The following NT5M variants were observed in gnomAD, a reference collection of about 807,000 sequenced individuals.
The protein encoded by NT5M is 5'(3')-deoxyribonucleotidase, mitochondrial.
Under a neutral mutation model 22.2 loss-of-function variants are expected in NT5M, and 22 were observed. The observed-to-expected ratio is 0.99, with a 90% CI of 0.71 to 1.41. NT5M has a LOEUF of 1.41. NT5M is among the 40% of genes most tolerant of loss of function. NT5M has a pLI of 0.00. For missense variants in NT5M, 322 were observed against 314.8 expected, an observed-to-expected ratio of 1.02 and a Z score of -0.17; for synonymous variants, 167 against 133.0, an observed-to-expected ratio of 1.26 and a Z score of -1.76.
At chr17:17,343,468 C>T (rs990159847) in intron 3 of NT5M, among the ~76,000 whole-genome samples, 20 of 152,250 alleles carry the variant, frequency 1.3e-4, no homozygotes, top group Admixed American at 3.3e-4. Flanking sequence ...CCTTTTCCCA[C>T]GTCCCGTGTG....
intron 3 of NT5M, among the ~76,000 whole-genome samples, chr17:17,334,748 A>G (rs1477749477): frequency 1.3e-5 from 2 of 152,208 alleles, no homozygotes; most frequent in Admixed American, 6.5e-5. Flanking sequence ...TGCTGGGATT[A>G]CAGGCGTGAG....
chr17:17,308,332 G>A (rs768463315), intron 2 of NT5M, among the ~76,000 whole-genome samples: 10 of 152,120 alleles, frequency 6.6e-5, no homozygotes, highest in Non-Finnish European at 1.3e-4. Flanking sequence ...CGTGGCTCAT[G>A]CCTACAATCC....
intron 3 of NT5M, among the ~76,000 whole-genome samples, chr17:17,339,892 G>A (rs1242631915): frequency 1.3e-5 from 2 of 151,942 alleles, no homozygotes; most frequent in Admixed American, 6.6e-5. Flanking sequence ...CTTTTGTTGA[G>A]GATTTTAGGA....
intron 2 of NT5M, among the ~76,000 whole-genome samples, chr17:17,311,102 C>T (rs1364224101): frequency 1.3e-5 from 2 of 152,016 alleles, no homozygotes; most frequent in Non-Finnish European, 2.9e-5. Flanking sequence ...TTTGGGAGGC[C>T]GAGGCGGGTG....
chr17:17,335,278 G>C (rs1555630422), intron 3 of NT5M, among the ~76,000 whole-genome samples: 1 of 150,124 alleles, frequency 6.7e-6, no homozygotes. Flanking sequence ...TTTTTTTTGA[G>C]ATGGAGTCTT....
intron 4 of NT5M, 93 bp downstream of exon 4, chr17:17,345,001 C>A: frequency 1.3e-6 from 2 of 1,545,462 alleles, no homozygotes; most frequent in East Asian, 2.3e-5. Context: ...GCTTCCTGCC[C>A]CACTTAGTCA....
intron 4 of NT5M, among the ~76,000 whole-genome samples, chr17:17,346,080 G>A (rs1014571900): frequency 9.2e-5 from 14 of 152,180 alleles, no homozygotes; most frequent in African/African-American, 3.1e-4. Context: ...AACTGGCTTG[G>A]GAAACATGCC....
chr17:17,309,615 G>A (rs2048881113), intron 2 of NT5M, among the ~76,000 whole-genome samples: 1 of 150,800 alleles, frequency 6.6e-6, no homozygotes, highest in Admixed American at 6.6e-5. Flanking sequence ...CCTTGTGGGT[G>A]TGAAGTGATT....
intron 2 of NT5M, among the ~76,000 whole-genome samples, chr17:17,310,894 C>T (rs969972892): frequency 6.6e-6 from 1 of 152,108 alleles, no homozygotes; most frequent in African/African-American, 2.4e-5. Flanking sequence ...CACAGTGGCT[C>T]ACGCCTCTTA....
At chr17:17,306,847 A>G (rs201660769) in intron 2 of NT5M, among the ~76,000 whole-genome samples, 2 of 152,372 alleles carry the variant, frequency 1.3e-5, no homozygotes, top group East Asian at 3.9e-4. Flanking sequence ...GTTTTGATCC[A>G]GGAACTTGAG....
chr17:17,326,888 C>T (rs1051156348), intron 3 of NT5M, among the ~76,000 whole-genome samples: 2 of 152,188 alleles, frequency 1.3e-5, no homozygotes, highest in Non-Finnish European at 2.9e-5. Context: ...GCTGTTAGCA[C>T]TTTGATCTGG....
At chr17:17,325,497 C>A (rs893942658) in intron 3 of NT5M, among the ~76,000 whole-genome samples, 2 of 152,134 alleles carry the variant, frequency 1.3e-5, no homozygotes, top group Admixed American at 1.3e-4. Flanking sequence ...CGAAAACGTG[C>A]CTGGCACCTG....
At chr17:17,340,425 AC>A (rs2049612960) in intron 3 of NT5M, among the ~76,000 whole-genome samples, 1 of 151,402 alleles carries the variant, frequency 6.6e-6, no homozygotes, top group Non-Finnish European at 1.5e-5. Flanking sequence ...CAAAAAACCA[AC>A]TTTTTGTTTC....
At chr17:17,306,340 G>A (rs868821167) in intron 1 of NT5M, among the ~76,000 whole-genome samples, 2 of 152,134 alleles carry the variant, frequency 1.3e-5, no homozygotes, top group South Asian at 2.1e-4. Context: ...GCTGGATCCC[G>A]ACGAAGTCAG....
rs1185005133 is a variant in NT5M, at chr17:17,344,837, AGATTGTG to A, written c.474_480del (p.Gln158HisfsTer2). ...TACTTTGGCCCTGACTTTCTGGAGC[AGATTGTG>A]CTGACCAGAGACAAGACCGTGGTCT... On this transcript the variant is annotated frameshift_variant, in exon 4 of 5. Transcript: ENST00000389022. LOFTEE classifies it high-confidence loss of function. 6.2e-7 allele frequency: 1 copy of A among 1,614,188 alleles called. No homozygotes were observed. The highest frequency in any genetic ancestry group is 1.7e-5 in the Admixed American group (1 of 60,024).
At chr17:17,344,246 C>T (rs2049709566) in intron 3 of NT5M, among the ~76,000 whole-genome samples, 1 of 152,196 alleles carries the variant, frequency 6.6e-6, no homozygotes, top group Non-Finnish European at 1.5e-5. Flanking sequence ...CTGAAGAAAG[C>T]CTTCCTTGGG....
chr17:17,324,859 T>G (rs1567890857), intron 3 of NT5M, among the ~76,000 whole-genome samples: 1 of 152,116 alleles, frequency 6.6e-6, no homozygotes, highest in African/African-American at 2.4e-5. Context: ...CTGACCCCCT[T>G]TTAACACGCT....
intron 3 of NT5M, among the ~76,000 whole-genome samples, chr17:17,328,035 A>G (rs1263328884): frequency 6.6e-6 from 1 of 152,230 alleles, no homozygotes; most frequent in South Asian, 2.1e-4. Context: ...TCCAAGAAAT[A>G]CAATTCCTGG....
Position 17,303,753 on chromosome 17 carries a change from C to A in NT5M, c.203C>A (p.Ala68Glu). Reference protein sequence around the residue: ...RARFPDQPFIALEDRRGFWVS... With the variant: ...RARFPDQPFIELEDRRGFWVS... ...CGCTTTCCCGACCAGCCCTTCATCGCGCTGGAGGACCGGCGCGGCTTCTGG... is the reference window on the plus strand; with the variant it reads ...CGCTTTCCCGACCAGCCCTTCATCGAGCTGGAGGACCGGCGCGGCTTCTGG... Residue 68 changes from alanine (A) to glutamate (E), a missense_variant, in exon 1 of 5, where the codon GCG (alanine) becomes GAG (glutamate). By Grantham distance (107) the Ala-to-Glu change is moderately radical. Coordinates refer to ENST00000389022, the MANE Select transcript of NT5M (RefSeq NM_020201.4). The A allele has an allele frequency of 6.3e-7, 1 of 1,588,352 alleles. No homozygotes were observed. The highest frequency in any genetic ancestry group is 8.6e-7 in the Non-Finnish European group (1 of 1,169,252).
Sources: allele counts gnomAD v4.1 joint callset (sites outside exome capture counted in the v4.1 genomes callset), GRCh38; gene constraint gnomAD v4.1.1; transcripts MANE v1.5; gene names NCBI Gene and HGNC (gene_info 2026-07-23, HGNC 2026-07-21).